Variants in ZFHX3 observed in about 807,000 individuals in gnomAD.
ZFHX3 encodes the protein zinc finger homeobox 3, also known as zinc finger homeobox protein 3.
A neutral mutation model predicts 279.1 loss-of-function variants in ZFHX3; 42 were observed. That is an observed-to-expected ratio of 0.15 (90% CI 0.12 to 0.19). The LOEUF (loss-of-function observed/expected upper bound fraction) is 0.19, where lower values mean the gene tolerates loss of function less well. ZFHX3 is among the 10% of genes least tolerant of loss of function. ZFHX3 has a pLI of 1.00. For missense variants in ZFHX3, 4,981 were observed against 4,754.0 expected (o/e 1.05, Z -1.40); for synonymous variants, 2,293 against 1,957.8 (o/e 1.17, Z -4.52).
At chr16:73,206,283 T>C (rs553946947) in intron 5 of ZFHX3, among the ~76,000 whole-genome samples, 50 of 152,330 alleles carry the variant, frequency 3.3e-4, no homozygotes, top group African/African-American at 1.1e-3. Context: ...ATTTCTTTGA[T>C]GAGTCAGAGG....
At chr16:73,545,512 T>C (rs2020093717) in intron 2 of ZFHX3, among the ~76,000 whole-genome samples, 1 of 152,198 alleles carries the variant, frequency 6.6e-6, no homozygotes, top group Non-Finnish European at 1.5e-5. Flanking sequence ...TATTGCACTA[T>C]AGGCCATTCA....
chr16:73,860,505 G>A (rs1597147661), intron 1 of ZFHX3, among the ~76,000 whole-genome samples: 1 of 151,634 alleles, frequency 6.6e-6, no homozygotes, highest in South Asian at 2.1e-4. Flanking sequence ...TAAAGAAAAT[G>A]ACTTTGGTCT....
At chr16:73,394,133 A>T (rs1351569771) in intron 3 of ZFHX3, among the ~76,000 whole-genome samples, 1 of 151,068 alleles carries the variant, frequency 6.6e-6, no homozygotes, top group Non-Finnish European at 1.5e-5. Flanking sequence ...TATTAGGATT[A>T]AGACCAGATT....
At chr16:73,873,451 A>G (rs534700443) in intron 1 of ZFHX3, among the ~76,000 whole-genome samples, 1 of 152,242 alleles carries the variant, frequency 6.6e-6, no homozygotes, top group Admixed American at 6.5e-5. Flanking sequence ...CACTCATTTT[A>G]TGTGTTTCTT....
intron 1 of ZFHX3, chr16:73,006,180 T>C (rs1963696004): frequency 6.6e-6 from 1 of 152,208 alleles, no homozygotes; most frequent in Non-Finnish European, 1.5e-5. Context: ...ATAGTCTCCA[T>C]TGTGTTCCCA....
At chr16:73,390,426 C>T (rs2016988084) in intron 3 of ZFHX3, among the ~76,000 whole-genome samples, 1 of 152,188 alleles carries the variant, frequency 6.6e-6, no homozygotes, top group South Asian at 2.1e-4. Context: ...GCCCCATCAT[C>T]TCATCGGGTC....
intron 2 of ZFHX3, among the ~76,000 whole-genome samples, chr16:73,606,180 T>TAAAAA (rs35080897): frequency 8.5e-5 from 3 of 35,196 alleles, no homozygotes; most frequent in Non-Finnish European, 1.3e-4. Context: ...AGGCTCCATC[T>TAAAAA]AAAAAAAAAA....
chr16:73,742,934 T>C (rs182458284), intron 1 of ZFHX3, among the ~76,000 whole-genome samples: 1 of 152,346 alleles, frequency 6.6e-6, no homozygotes, highest in East Asian at 1.9e-4. Context: ...AAGTTGTCAT[T>C]ATTTATGTCA....
At chr16:73,369,374 G>A (rs1002080654) in intron 3 of ZFHX3, among the ~76,000 whole-genome samples, 10 of 152,306 alleles carry the variant, frequency 6.6e-5, no homozygotes, top group East Asian at 1.9e-4. Flanking sequence ...GCACTGAACC[G>A]AGCACCGGGC....
At chr16:73,486,378 T>G (rs950236519) in intron 2 of ZFHX3, among the ~76,000 whole-genome samples, 1 of 152,266 alleles carries the variant, frequency 6.6e-6, no homozygotes, top group Non-Finnish European at 1.5e-5. Context: ...TCCCACCCTG[T>G]GGAGTGTACT....
intron 5 of ZFHX3, among the ~76,000 whole-genome samples, chr16:73,162,009 A>G (rs1361588833): frequency 6.6e-6 from 1 of 152,222 alleles, no homozygotes; most frequent in Non-Finnish European, 1.5e-5. Flanking sequence ...GCTACAGGCA[A>G]GTGGAGAATG....
intron 4 of ZFHX3, among the ~76,000 whole-genome samples, chr16:73,281,527 G>T (rs1052045044): frequency 6.6e-5 from 10 of 152,314 alleles, no homozygotes; most frequent in African/African-American, 2.4e-4. Context: ...TATAGCTAAG[G>T]CTGTAGCTAA....
At chr16:72,973,049 G>T (rs1962177284) in intron 1 of ZFHX3, among the ~76,000 whole-genome samples, 1 of 152,146 alleles carries the variant, frequency 6.6e-6, no homozygotes, top group Non-Finnish European at 1.5e-5. Context: ...GAAATTACGA[G>T]CTGACTCCCA....
intron 5 of ZFHX3, chr16:72,829,420 AGG>A: frequency 1.4e-5 from 3 of 216,670 alleles, no homozygotes; most frequent in Admixed American, 5.1e-5. Context: ...CCTTCAATAG[AGG>A]AAGAATGACA....
At chr16:73,037,872 A>T (rs751083587) in intron 1 of ZFHX3, among the ~76,000 whole-genome samples, 7 of 152,196 alleles carry the variant, frequency 4.6e-5, no homozygotes, top group Non-Finnish European at 1.0e-4. Flanking sequence ...CCAGGATTCA[A>T]AAGATAAAGT....
intron 2 of ZFHX3, among the ~76,000 whole-genome samples, chr16:73,645,701 T>C (rs1447889156): frequency 6.6e-6 from 1 of 152,224 alleles, no homozygotes; most frequent in Non-Finnish European, 1.5e-5. Context: ...TGAGAACATT[T>C]AATCGAGAAT....
intron 4 of ZFHX3, among the ~76,000 whole-genome samples, chr16:72,864,455 T>C (rs1298372075): frequency 2.0e-5 from 3 of 148,608 alleles, no homozygotes; most frequent in African/African-American, 5.0e-5. Context: ...TTGTAGGAAG[T>C]CTTGAGGGGG....
intron 4 of ZFHX3, among the ~76,000 whole-genome samples, chr16:73,311,548 C>T (rs1023614902): frequency 2.2e-5 from 3 of 136,350 alleles, no homozygotes; most frequent in Non-Finnish European, 4.5e-5. Flanking sequence ...TGAGATTATG[C>T]CACAGCACTC....
chr16:73,358,653 GC>G (rs1454998436), intron 3 of ZFHX3, among the ~76,000 whole-genome samples: 1 of 152,176 alleles, frequency 6.6e-6, no homozygotes, highest in Non-Finnish European at 1.5e-5. Flanking sequence ...GATAACTAAT[GC>G]AGATGACCTC....
Sources: allele counts gnomAD v4.1 joint callset (sites outside exome capture counted in the v4.1 genomes callset), GRCh38; gene constraint gnomAD v4.1.1; transcripts MANE v1.5; gene names NCBI Gene and HGNC (gene_info 2026-07-23, HGNC 2026-07-21).